The following ACTR3C variants were observed in gnomAD, a reference collection of about 807,000 sequenced individuals.
The protein encoded by ACTR3C is actin related protein 3C.
Under a neutral mutation model 26.3 loss-of-function variants are expected in ACTR3C, and 18 were observed. The ratio of observed to expected loss-of-function variants is 0.68; its 90% CI spans 0.47 to 1.01. The LOEUF (loss-of-function observed/expected upper bound fraction) is 1.01, where lower values mean the gene tolerates loss of function less well. Among genes scored for constraint, ACTR3C ranks in the 50% least tolerant of loss-of-function variants. The pLI, the probability that ACTR3C is intolerant of heterozygous loss-of-function variation, is 0.00. For missense variants in ACTR3C, 184 were observed against 250.7 expected, an observed-to-expected ratio of 0.73 and a Z score of 1.80; for synonymous variants, 55 against 94.5, an observed-to-expected ratio of 0.58 and a Z score of 2.42.
the ACTR3C span, among the ~76,000 whole-genome samples, chr7:150,137,799 A>G: frequency 1.3e-5 from 2 of 152,246 alleles, no homozygotes; most frequent in African/African-American, 2.4e-5. Context: ...AAGGAAGAGC[A>G]TTCCAAGAAT....
At chr7:149,936,770 G>C in the ACTR3C span, among the ~76,000 whole-genome samples, 3 of 152,174 alleles carry the variant, frequency 2.0e-5, no homozygotes, top group East Asian at 5.8e-4. Context: ...ACCGCTCTAT[G>C]TCTGATGTAT....
At chr7:149,888,365 C>T in the ACTR3C span, among the ~76,000 whole-genome samples, 1 of 152,336 alleles carries the variant, frequency 6.6e-6, no homozygotes, top group African/African-American at 2.4e-5. Flanking sequence ...CCAAATTTCT[C>T]TCCAAAATGA....
the ACTR3C span, among the ~76,000 whole-genome samples, chr7:150,065,402 T>C: frequency 1.3e-4 from 20 of 152,252 alleles, no homozygotes; most frequent in African/African-American, 3.6e-4. Context: ...TATTTTCAAG[T>C]CTTAAAGTGA....
At chr7:150,171,658 T>C in the ACTR3C span, among the ~76,000 whole-genome samples, 21,275 of 149,604 alleles carry the variant, frequency 0.14, 3,171 homozygotes, top group African/African-American at 0.32. Flanking sequence ...AACTAGAAAT[T>C]AGGAAAATAA....
chr7:150,305,372 G>A (rs1795732453), intron 1 of ACTR3C, among the ~76,000 whole-genome samples: 2 of 151,988 alleles, frequency 1.3e-5, no homozygotes, highest in Admixed American at 1.3e-4. Flanking sequence ...CCTCACATGG[G>A]GTCATCTTCA....
chr7:150,000,501 C>T, the ACTR3C span, among the ~76,000 whole-genome samples: 3 of 79,932 alleles, frequency 3.8e-5, no homozygotes, highest in African/African-American at 9.4e-5. Context: ...AGATTATTTA[C>T]GGCATTTCAC....
the ACTR3C span, among the ~76,000 whole-genome samples, chr7:149,943,921 G>C: frequency 7.0e-6 from 1 of 143,370 alleles, no homozygotes; most frequent in African/African-American, 2.9e-5. Context: ...TGCTTTTTAT[G>C]TACACTGAAA....
At chr7:150,156,788 C>G in the ACTR3C span, among the ~76,000 whole-genome samples, 1 of 152,034 alleles carries the variant, frequency 6.6e-6, no homozygotes, top group Non-Finnish European at 1.5e-5. Flanking sequence ...GCCTCTTACA[C>G]CAATGTCATC....
the ACTR3C span, among the ~76,000 whole-genome samples, chr7:150,167,362 A>T: frequency 6.6e-6 from 1 of 150,870 alleles, no homozygotes; most frequent in Non-Finnish European, 1.5e-5. Flanking sequence ...TAGGGTTCTT[A>T]TAATATGCCT....
chr7:150,035,165 G>T, the ACTR3C span, among the ~76,000 whole-genome samples: 38 of 137,350 alleles, frequency 2.8e-4, 2 homozygotes, highest in South Asian at 2.4e-3. Flanking sequence ...CCTAAGCCAG[G>T]GGGGGAAGAG....
At chr7:150,211,124 C>G in the ACTR3C span, among the ~76,000 whole-genome samples, 1 of 148,760 alleles carries the variant, frequency 6.7e-6, no homozygotes, top group Non-Finnish European at 1.5e-5. Flanking sequence ...CACCCTTTCC[C>G]TAAAGGACTT....
chr7:150,072,736 G>A, the ACTR3C span, among the ~76,000 whole-genome samples: 1 of 152,160 alleles, frequency 6.6e-6, no homozygotes, highest in African/African-American at 2.4e-5. Context: ...CCATGTTTCC[G>A]GGATCCAGGA....
chr7:149,930,754 C>A, the ACTR3C span, among the ~76,000 whole-genome samples: 1 of 152,228 alleles, frequency 6.6e-6, no homozygotes, highest in African/African-American at 2.4e-5. Context: ...CCCCACCAAA[C>A]TCAGCACATG....
At chr7:149,996,224 G>T in the ACTR3C span, among the ~76,000 whole-genome samples, 1 of 152,080 alleles carries the variant, frequency 6.6e-6, no homozygotes, top group Non-Finnish European at 1.5e-5. Context: ...GGAAAGGGAC[G>T]GAGTAAAGGA....
chr7:149,995,735 C>T, the ACTR3C span, among the ~76,000 whole-genome samples: 1,357 of 147,836 alleles, frequency 9.2e-3, 1 homozygote, highest in African/African-American at 0.035. Flanking sequence ...AGACAAGAGG[C>T]GGACCTCTGG....
chr7:149,997,594 CA>C, the ACTR3C span, among the ~76,000 whole-genome samples: 2 of 151,828 alleles, frequency 1.3e-5, no homozygotes, highest in East Asian at 3.9e-4. Context: ...TATGAATGGA[CA>C]TTATTGCAAT....
the ACTR3C span, among the ~76,000 whole-genome samples, chr7:150,127,158 A>G: frequency 1.0e-5 from 1 of 99,780 alleles, no homozygotes; most frequent in Non-Finnish European, 2.6e-5. Context: ...ACACACACAC[A>G]CACACACACA....
chr7:150,287,719 G>C (rs1382805552), intron 4 of ACTR3C, among the ~76,000 whole-genome samples: 1 of 149,626 alleles, frequency 6.7e-6, no homozygotes, highest in Admixed American at 6.6e-5. Context: ...TACTCTAGCG[G>C]AATTTTAAGA....
At chr7:150,036,938 G>T in the ACTR3C span, among the ~76,000 whole-genome samples, 1 of 97,512 alleles carries the variant, frequency 1.0e-5, no homozygotes. Flanking sequence ...GGGGTCCTAA[G>T]AGCCAGTGGG....
Sources: allele counts gnomAD v4.1 joint callset (sites outside exome capture counted in the v4.1 genomes callset), GRCh38; gene constraint gnomAD v4.1.1; transcripts MANE v1.5; gene names NCBI Gene and HGNC (gene_info 2026-07-23, HGNC 2026-07-21).